Variants in PCDH15 observed in about 807,000 individuals in gnomAD.
PCDH15 encodes protocadherin related 15.
In PCDH15, 129 loss-of-function variants were observed where a neutral mutation model predicts 178.5. The ratio of observed to expected loss-of-function variants is 0.72; its 90% CI spans 0.63 to 0.84. The LOEUF (loss-of-function observed/expected upper bound fraction) is 0.84, where lower values mean the gene tolerates loss of function less well. PCDH15 is among the 40% of genes least tolerant of loss of function. The pLI, the probability that PCDH15 is intolerant of heterozygous loss-of-function variation, is 0.00. For missense variants in PCDH15, 2,230 were observed against 2,099.9 expected (o/e 1.06, Z -1.21); for synonymous variants, 800 against 732.0 (o/e 1.09, Z -1.50).
chr10:54,252,166 T>C (rs533858382), intron 8 of PCDH15, among the ~76,000 whole-genome samples: 1 of 152,290 alleles, frequency 6.6e-6, no homozygotes, highest in African/African-American at 2.4e-5. Flanking sequence ...ACTGCTGCTT[T>C]CTTACACTAG....
chr10:54,153,300 T>C lies in PCDH15; in HGVS notation c.1591-7A>G. On this transcript the variant is annotated splice_polypyrimidine_tract_variant and splice_region_variant and intron_variant, in intron 13 of 37. Coordinates refer to ENST00000644397, the MANE Select transcript of PCDH15 (RefSeq NM_001384140.1). ...CTGCGTCGACTGCAGTGAGCTGGAA[T>C]TGAAAATCACAACATAAATCCTCTT... 1 of 1,613,648 alleles carries C rather than the reference T, an allele frequency of 6.2e-7. No homozygotes were observed. Among genetic ancestry groups the C allele is most frequent in the Non-Finnish European group, 8.5e-7 (1 of 1,179,798 alleles).
chr10:55,204,726 T>C (rs958959015), intron 1 of PCDH15, among the ~76,000 whole-genome samples: 2 of 152,042 alleles, frequency 1.3e-5, no homozygotes, highest in Non-Finnish European at 2.9e-5. Flanking sequence ...CTGGTATCTT[T>C]TAATAGTATG....
At position 54,310,970 on chromosome 10, in the gene PCDH15, A is replaced by G. The variant is rs533351828; in HGVS notation, c.876+6301T>C. Among the ~76,000 whole-genome samples, 228 of 152,250 alleles carry G rather than the reference A, an allele frequency of 1.5e-3. 3 individuals are homozygous for G. Among genetic ancestry groups the G allele is most frequent in the Admixed American group, 1.6e-3 (25 of 15,272 alleles). ...TAATGTGAGGCTATGCCAAGAAGAAATGATAAGTGTTGTAGATCACTGAAA... is the reference window on the plus strand; with the variant it reads ...TAATGTGAGGCTATGCCAAGAAGAAGTGATAAGTGTTGTAGATCACTGAAA... On this transcript the variant is annotated intron_variant, in intron 8 of 37. Transcript: ENST00000644397.
intron 16 of PCDH15, among the ~76,000 whole-genome samples, chr10:54,089,036 T>G (rs1338539516): frequency 1.3e-5 from 2 of 152,222 alleles, no homozygotes; most frequent in Non-Finnish European, 2.9e-5. Flanking sequence ...TTTTTATTTT[T>G]CAAATAGAAG....
At chr10:54,219,416 C>A (rs1360289671) in intron 9 of PCDH15, among the ~76,000 whole-genome samples, 3 of 150,068 alleles carry the variant, frequency 2.0e-5, no homozygotes, top group Non-Finnish European at 4.4e-5. Flanking sequence ...CGGTGACACC[C>A]CATCTCTACT....
intron 18 of PCDH15, among the ~76,000 whole-genome samples, chr10:54,041,883 T>C (rs2093554856): frequency 1.3e-5 from 2 of 152,138 alleles, no homozygotes; most frequent in Admixed American, 6.6e-5. Context: ...ATTACATTTT[T>C]CCCATTAGTT....
intron 2 of PCDH15, among the ~76,000 whole-genome samples, chr10:55,023,397 C>T (rs1047090223): frequency 1.2e-4 from 18 of 152,156 alleles, no homozygotes; most frequent in African/African-American, 4.1e-4. Flanking sequence ...GGTAGAAAAA[C>T]ATTTTAATAT....
intron 2 of PCDH15, among the ~76,000 whole-genome samples, chr10:54,592,533 T>A (rs2091951790): frequency 6.6e-6 from 1 of 152,122 alleles, no homozygotes; most frequent in African/African-American, 2.4e-5. Context: ...ATGTTGTACA[T>A]TAGATATACT....
intron 2 of PCDH15, among the ~76,000 whole-genome samples, chr10:54,597,169 A>G (rs910931999): frequency 3.9e-5 from 6 of 152,236 alleles, no homozygotes; most frequent in African/African-American, 1.4e-4. Context: ...CACACAACAC[A>G]TATTCTAACA....
At chr10:55,443,088 T>G (rs1338432942) in intron 2 of PCDH15, among the ~76,000 whole-genome samples, 1 of 152,192 alleles carries the variant, frequency 6.6e-6, no homozygotes, top group Non-Finnish European at 1.5e-5. Flanking sequence ...GCTAGCCATA[T>G]GCAGAAAACT....
intron 2 of PCDH15, among the ~76,000 whole-genome samples, chr10:55,121,846 C>A (rs868698067): frequency 3.3e-5 from 5 of 152,116 alleles, no homozygotes; most frequent in Middle Eastern, 3.4e-3. Context: ...GAGAGCCAGC[C>A]TTCAGCAGAC....
chr10:54,641,975 G>A (rs1223260898), intron 2 of PCDH15, among the ~76,000 whole-genome samples: 1 of 151,942 alleles, frequency 6.6e-6, no homozygotes. Flanking sequence ...AGTTTCATCA[G>A]CATTTGATTT....
In PCDH15 at chr10:55,296,616, G is replaced by A. The variant is rs184353530; in HGVS notation, c.-156+22983C>T. On this transcript the variant is annotated intron_variant, in intron 1 of 5. Coordinates refer to the PCDH15 transcript ENST00000458638. ...AAGGGTTTTAGAAGCTCTGTAACAG[G>A]AGCTGAGGGCAGAGACTAAATCTGT... is the stretch of plus-strand genomic sequence containing the variant. Among the ~76,000 whole-genome samples the A allele has an allele frequency of 2.4e-4, 37 of 152,280 alleles. No homozygotes were observed. The East Asian group carries it at 4.6e-3, about 19-fold the overall frequency.
At chr10:54,773,312 C>A (rs1949310212) in intron 1 of PCDH15, among the ~76,000 whole-genome samples, 1 of 151,892 alleles carries the variant, frequency 6.6e-6, no homozygotes, top group African/African-American at 2.4e-5. Flanking sequence ...TCATAAAATA[C>A]AAATGAATAC....
intron 1 of PCDH15, among the ~76,000 whole-genome samples, chr10:55,245,115 A>G (rs2891559): frequency 0.011 from 1,601 of 152,242 alleles, 38 homozygotes; most frequent in African/African-American, 0.037. Flanking sequence ...TGGTAGTCAA[A>G]GAAATCAATC....
intron 18 of PCDH15, among the ~76,000 whole-genome samples, chr10:54,047,758 A>G (rs1378219507): frequency 1.3e-5 from 2 of 152,146 alleles, no homozygotes; most frequent in Non-Finnish European, 2.9e-5. Context: ...TTCATTTTTT[A>G]TGACTGTTTA....
chr10:55,241,512 C>T (rs569428876), intron 1 of PCDH15, among the ~76,000 whole-genome samples: 24 of 152,186 alleles, frequency 1.6e-4, no homozygotes, highest in African/African-American at 4.6e-4. Context: ...CTCAACCTCC[C>T]GGGCTCAAGT....
intron 3 of PCDH15, among the ~76,000 whole-genome samples, chr10:54,854,251 G>A (rs1467262321): frequency 1.3e-5 from 2 of 152,186 alleles, no homozygotes; most frequent in Non-Finnish European, 2.9e-5. Flanking sequence ...AGAAACTCCA[G>A]GGCCCCAAAG....
At chr10:54,986,712 T>A (rs986217839) in intron 2 of PCDH15, among the ~76,000 whole-genome samples, 1 of 152,168 alleles carries the variant, frequency 6.6e-6, no homozygotes, top group Non-Finnish European at 1.5e-5. Flanking sequence ...GTGTTCATAA[T>A]CACTGTTTTA....
Sources: gnomAD v4.1 joint callset for allele counts (sites outside exome capture counted in the v4.1 genomes callset) on GRCh38, gnomAD v4.1.1 for gene constraint, MANE v1.5 for transcripts, NCBI Gene and HGNC (gene_info 2026-07-23, HGNC 2026-07-21) for gene names.